Variants in SGCZ observed in about 807,000 individuals in gnomAD.
SGCZ encodes zeta-sarcoglycan.
SGCZ carries 40 observed loss-of-function variants against 41.3 expected under a neutral mutation model. The observed-to-expected ratio is 0.97, with a 90% CI of 0.75 to 1.26. The LOEUF is 1.26. SGCZ is among the 50% of genes most tolerant of loss of function. The probability of loss-of-function intolerance (pLI) is 0.00; values close to 1 mark genes in which losing one functional copy is unlikely to be tolerated. For synonymous variants in SGCZ, 206 were observed against 137.5 expected (o/e 1.50, Z -3.49); for missense variants, 552 against 369.8 (o/e 1.49, Z -4.04).
intron 2 of SGCZ, among the ~76,000 whole-genome samples, chr8:14,440,757 A>C (rs1800233416): frequency 6.8e-6 from 1 of 147,720 alleles, no homozygotes; most frequent in South Asian, 2.1e-4. Context: ...ATACGTATAC[A>C]CGTATATGTA....
intron 4 of SGCZ, among the ~76,000 whole-genome samples, chr8:14,197,072 A>G (rs1419187960): frequency 6.6e-6 from 1 of 152,196 alleles, no homozygotes; most frequent in African/African-American, 2.4e-5. Flanking sequence ...AATCATTAAA[A>G]TGTACATTTA....
At chr8:14,797,256 A>G (rs1222428866) in intron 1 of SGCZ, among the ~76,000 whole-genome samples, 3 of 152,084 alleles carry the variant, frequency 2.0e-5, no homozygotes, top group African/African-American at 7.2e-5. Context: ...AGATTTAGAA[A>G]AGTTTGGAAC....
intron 1 of SGCZ, among the ~76,000 whole-genome samples, chr8:14,816,412 G>T (rs1007317722): frequency 3.3e-5 from 5 of 152,148 alleles, no homozygotes; most frequent in Non-Finnish European, 7.4e-5. Context: ...AGACTTCACT[G>T]GTTAGTCAGA....
intron 1 of SGCZ, among the ~76,000 whole-genome samples, chr8:15,135,564 G>A (rs1307977203): frequency 1.3e-5 from 2 of 152,202 alleles, no homozygotes; most frequent in Non-Finnish European, 2.9e-5. Flanking sequence ...TGCATTTTGA[G>A]CAAGAACGTT....
intron 1 of SGCZ, among the ~76,000 whole-genome samples, chr8:15,218,653 G>A (rs1801495251): frequency 6.6e-6 from 1 of 152,090 alleles, no homozygotes; most frequent in African/African-American, 2.4e-5. Flanking sequence ...GTACCCACAT[G>A]AGTACACTCG....
At position 15,085,567 on chromosome 8, in the gene SGCZ, C is replaced by G. The variant is rs1388996281; in HGVS notation, c.39+152018G>C. On this transcript the variant is annotated intron_variant, in intron 1 of 7. Coordinates refer to ENST00000382080, the MANE Select transcript of SGCZ (RefSeq NM_139167.4). ...ATATCAGCTCAGTCTAACCCAGAAT[C>G]TGTAGGTAACCTGACAGCTTGGCCA... is the stretch of plus-strand genomic sequence containing the variant. Among the ~76,000 whole-genome samples, 5 of 152,180 alleles carry G rather than the reference C, an allele frequency of 3.3e-5. No homozygotes were observed. The East Asian group carries it at 9.6e-4, about 29-fold the overall frequency.
intron 3 of SGCZ, among the ~76,000 whole-genome samples, chr8:14,256,719 C>G (rs1799479065): frequency 6.6e-6 from 1 of 152,096 alleles, no homozygotes; most frequent in South Asian, 2.1e-4. Flanking sequence ...ACCTAGTGTA[C>G]CTTATAATCT....
intron 2 of SGCZ, among the ~76,000 whole-genome samples, chr8:14,359,769 A>G (rs183201715): frequency 4.9e-4 from 74 of 151,814 alleles, no homozygotes; most frequent in African/African-American, 1.7e-3. Flanking sequence ...TTCTAAATTT[A>G]TTCTACAAGG....
intron 1 of SGCZ, among the ~76,000 whole-genome samples, chr8:14,584,264 A>T (rs1804988057): frequency 6.6e-6 from 1 of 152,196 alleles, no homozygotes; most frequent in South Asian, 2.1e-4. Flanking sequence ...ATGATTTACA[A>T]GGCGCAGAAA....
At chr8:14,327,431 G>A (rs1802161221) in intron 2 of SGCZ, among the ~76,000 whole-genome samples, 1 of 152,186 alleles carries the variant, frequency 6.6e-6, no homozygotes, top group South Asian at 2.1e-4. Context: ...TTAAATGCCT[G>A]CTGGGAGAAA....
intron 1 of SGCZ, among the ~76,000 whole-genome samples, chr8:14,973,308 T>C (rs965243442): frequency 6.6e-6 from 1 of 152,178 alleles, no homozygotes; most frequent in Non-Finnish European, 1.5e-5. Context: ...GCTTAAGTTG[T>C]AGGCACTGTG....
chr8:14,816,773 C>G (rs1029396415), intron 1 of SGCZ, among the ~76,000 whole-genome samples: 4 of 152,122 alleles, frequency 2.6e-5, no homozygotes, highest in African/African-American at 9.7e-5. Flanking sequence ...TGTTTATAGC[C>G]TTAAAAATGA....
intron 2 of SGCZ, among the ~76,000 whole-genome samples, chr8:14,510,032 A>T (rs2117072783): frequency 6.6e-6 from 1 of 152,262 alleles, no homozygotes; most frequent in South Asian, 2.1e-4. Context: ...GTGGGAACAC[A>T]GTGCCAAACC....
At chr8:14,115,002 T>A (rs1488801631) in intron 5 of SGCZ, among the ~76,000 whole-genome samples, 2 of 151,972 alleles carry the variant, frequency 1.3e-5, no homozygotes, top group African/African-American at 4.8e-5. Context: ...ACGACATTTT[T>A]AAAAATTGTA....
chr8:14,295,206 A>C (rs1800968812), intron 3 of SGCZ, among the ~76,000 whole-genome samples: 1 of 152,190 alleles, frequency 6.6e-6, no homozygotes, highest in Admixed American at 6.6e-5. Flanking sequence ...GGTGAAATGA[A>C]TAGGAAACTC....
At position 14,872,976 on chromosome 8, in the gene SGCZ, C is replaced by T. The variant is rs141294348; in HGVS notation, c.40-318050G>A. Among the ~76,000 whole-genome samples, 50 of 152,154 alleles carry T rather than the reference C, an allele frequency of 3.3e-4. 3 individuals are homozygous for T. In the East Asian group the frequency reaches 7.4e-3, roughly 22 times the overall value. ...GAAGTCAAACGTTTAACTTGATAGG[C>T]GTCTTTAGATATTTGACATAATCAA... On this transcript the variant is annotated intron_variant, in intron 1 of 7. Coordinates refer to ENST00000382080, the MANE Select transcript of SGCZ (RefSeq NM_139167.4).
chr8:14,542,646 G>A (rs1393951451), intron 2 of SGCZ, among the ~76,000 whole-genome samples: 2 of 152,006 alleles, frequency 1.3e-5, no homozygotes, highest in Admixed American at 1.3e-4. Flanking sequence ...AACCAAATTG[G>A]TGTTCCTGGC....
At chr8:15,228,133 G>A (rs1204489590) in intron 1 of SGCZ, among the ~76,000 whole-genome samples, 2 of 152,128 alleles carry the variant, frequency 1.3e-5, no homozygotes, top group African/African-American at 4.8e-5. Flanking sequence ...AGCTATTAAT[G>A]TTTTAGGAAA....
chr8:15,070,590 A>G (rs531593415), intron 1 of SGCZ, among the ~76,000 whole-genome samples: 79 of 152,276 alleles, frequency 5.2e-4, no homozygotes, highest in Non-Finnish European at 1.0e-3. Context: ...TGGGCCTTCC[A>G]GAAAGACTTT....
Sources: gnomAD v4.1 joint callset for allele counts (sites outside exome capture counted in the v4.1 genomes callset) on GRCh38, gnomAD v4.1.1 for gene constraint, MANE v1.5 for transcripts, NCBI Gene and HGNC (gene_info 2026-07-23, HGNC 2026-07-21) for gene names.